The following DPYSL2 variants were observed in gnomAD, a reference collection of about 807,000 sequenced individuals.
DPYSL2 encodes the protein dihydropyrimidinase-related protein 2.
A neutral mutation model predicts 69.9 loss-of-function variants in DPYSL2; 13 were observed. The ratio of observed to expected loss-of-function variants is 0.19; its 90% CI spans 0.12 to 0.30. The LOEUF is 0.30. DPYSL2 is among the 10% of genes least tolerant of loss of function. The pLI is 1.00. For synonymous variants in DPYSL2, 326 were observed against 359.1 expected, an observed-to-expected ratio of 0.91 and a Z score of 1.04; for missense variants, 587 against 918.9, an observed-to-expected ratio of 0.64 and a Z score of 4.67.
rs913602734 is a variant in DPYSL2, at chr8:26,588,590, G to A, written c.628+4607G>A. Among the ~76,000 whole-genome samples the A allele has an allele frequency of 2.6e-5, 4 of 152,148 alleles. No individual in the cohort carries two copies. The highest frequency in any genetic ancestry group is 9.7e-5 in the African/African-American group (4 of 41,412). On this transcript the variant is annotated intron_variant, in intron 3 of 13. Coordinates refer to ENST00000521913, the MANE Select transcript of DPYSL2 (RefSeq NM_001197293.3). This position sits in a 1 kb window ranked among gnomAD's most constrained non-coding sequence, Gnocchi z 5.4. The stretch of plus-strand genomic sequence containing the variant: ...ACCCAGCAGGCTTCCTGGTCCCTGG[G>A]TAGCACCGCACAGCAGAGATGGGGA...
chr8:26,641,074 T>C lies in DPYSL2; in HGVS notation c.1127-2365T>C, dbSNP rs780696899. ...ATAAGCCTGTGGTCAGCAGCATTCA[T>C]CCCCATGGTATTCAGGCCACTTTCC... On this transcript the variant is annotated intron_variant, in intron 8 of 13. Transcript: ENST00000521913. The surrounding 1 kb of genome is among the most constrained non-coding windows in gnomAD (Gnocchi z 4.1). Among the ~76,000 whole-genome samples the C allele has an allele frequency of 1.6e-3, 247 of 152,244 alleles. No homozygotes were observed. The highest frequency in any genetic ancestry group is 1.5e-3 in the Admixed American group (23 of 15,294).
Position 26,580,081 on chromosome 8 carries a change from G to A in DPYSL2, c.355-1888G>A, listed in dbSNP as rs1801456903. 6.6e-6 allele frequency among the ~76,000 whole-genome samples: 1 copy of A among 151,948 alleles called. No individual in the cohort carries two copies. On this transcript the variant is annotated intron_variant, in intron 1 of 13. Transcript: ENST00000521913. This position sits in a 1 kb window ranked among gnomAD's most constrained non-coding sequence, Gnocchi z 4.1. ...CCTTCTGGAAGGCACTAGAGTGAAC[G>A]GGGGTGTGGTGTTTCACTTTTTTTC...
intron 7 of DPYSL2, among the ~76,000 whole-genome samples, chr8:26,630,950 G>A (rs1802757850): frequency 6.6e-6 from 1 of 152,186 alleles, no homozygotes; most frequent in Non-Finnish European, 1.5e-5. Flanking sequence ...TGTACCAGCT[G>A]TACAAGGAGG....
chr8:26,632,341 GA>G (rs1295235235), intron 7 of DPYSL2, among the ~76,000 whole-genome samples: 1 of 152,248 alleles, frequency 6.6e-6, no homozygotes. Context: ...GAGGTAGACA[GA>G]AAGTGAGTGT....
intron 3 of DPYSL2, among the ~76,000 whole-genome samples, chr8:26,601,401 A>G (rs74333512): frequency 0.022 from 3,348 of 150,426 alleles, 50 homozygotes; most frequent in Middle Eastern, 0.069. Context: ...GTTTTGAGAC[A>G]GAGTCTCGCT....
At chr8:26,633,477 T>C (rs2129937368) in intron 7 of DPYSL2, among the ~76,000 whole-genome samples, 1 of 152,262 alleles carries the variant, frequency 6.6e-6, no homozygotes, top group Admixed American at 6.5e-5. Flanking sequence ...GATGTATTTA[T>C]TTATTTATGA....
chr8:26,603,703 A>G (rs1195579363), intron 3 of DPYSL2, among the ~76,000 whole-genome samples: 1 of 152,094 alleles, frequency 6.6e-6, no homozygotes, highest in Non-Finnish European at 1.5e-5. Context: ...CCCCTATTCT[A>G]TTATAGTTGT....
chr8:26,555,973 TA>T (rs1316390093), intron 1 of DPYSL2, among the ~76,000 whole-genome samples: 2 of 115,358 alleles, frequency 1.7e-5, no homozygotes, highest in Admixed American at 1.3e-4. Context: ...ATATTATATA[TA>T]GTATATATAG....
At position 26,621,067 on chromosome 8, in the gene DPYSL2, G is replaced by C. The variant is rs961328728; in HGVS notation, c.629-3076G>C. 6.6e-6 allele frequency among the ~76,000 whole-genome samples: 1 copy of C among 151,708 alleles called. No homozygotes were observed. The highest frequency in any genetic ancestry group is 2.4e-5 in the African/African-American group (1 of 41,236). ...GCTTTATCTTGCATTACTCTTTCTG[G>C]TTTATCACATTTTCTTGTATTTTAT... On this transcript the variant is annotated intron_variant, in intron 3 of 13. Coordinates refer to ENST00000521913, the MANE Select transcript of DPYSL2 (RefSeq NM_001197293.3). This position sits in a 1 kb window ranked among gnomAD's most constrained non-coding sequence, Gnocchi z 4.9.
Position 26,643,170 on chromosome 8 carries a change from GC to G in DPYSL2, c.1127-267del. 1 of 386,168 alleles carries G rather than the reference GC, an allele frequency of 2.6e-6. No homozygotes were observed. 23.9% of individuals were successfully genotyped at this position (386,168 alleles called of 1,614,324 possible). The stretch of plus-strand genomic sequence containing the variant: ...AAAATCAGCAACGTAGGAGACAGAA[GC>G]CTTCAGGATGTCTGGGATCCTATAG... On this transcript the variant is annotated intron_variant, in intron 8 of 13. Coordinates refer to ENST00000521913, the MANE Select transcript of DPYSL2 (RefSeq NM_001197293.3). The surrounding 1 kb of genome is among the most constrained non-coding windows in gnomAD (Gnocchi z 6.5).
intron 1 of DPYSL2, chr8:26,578,540 C>T: frequency 7.1e-7 from 1 of 1,399,474 alleles, no homozygotes; most frequent in Non-Finnish European, 9.2e-7. Context: ...TTAGGTAACG[C>T]GCCAGACCCG....
intron 3 of DPYSL2, among the ~76,000 whole-genome samples, chr8:26,592,932 T>TC: frequency 2.0e-5 from 3 of 152,214 alleles, no homozygotes; most frequent in Non-Finnish European, 2.9e-5. Flanking sequence ...TTCTCTCTTC[T>TC]TAAGAAGTGA....
intron 1 of DPYSL2, among the ~76,000 whole-genome samples, chr8:26,524,105 A>G (rs895821263): frequency 1.3e-5 from 2 of 152,256 alleles, no homozygotes; most frequent in African/African-American, 2.4e-5. Context: ...ATAGTTTTCC[A>G]CAGTGGTTAT....
chr8:26,639,103 G>A (rs558216087), intron 8 of DPYSL2, among the ~76,000 whole-genome samples: 40 of 152,306 alleles, frequency 2.6e-4, no homozygotes, highest in African/African-American at 9.4e-4. Flanking sequence ...TATGTCCTGT[G>A]GGTCAATAGG....
At chr8:26,523,671 T>C (rs1037423942) in intron 1 of DPYSL2, among the ~76,000 whole-genome samples, 14 of 152,144 alleles carry the variant, frequency 9.2e-5, no homozygotes, top group Non-Finnish European at 2.1e-4. Context: ...TTTTCTTTTT[T>C]TCCTTAAGAG....
chr8:26,579,031 T>C (rs1295111636), intron 1 of DPYSL2, among the ~76,000 whole-genome samples: 5 of 152,198 alleles, frequency 3.3e-5, no homozygotes, highest in Admixed American at 2.6e-4. Flanking sequence ...TTCACGTCTC[T>C]TTTCCGCCCC....
rs1270583952 is a variant in DPYSL2 at position 26,560,781 on chromosome 8, G to A, written c.355-21188G>A. ...ATAATTTTATCCTTTTAGTAAAGGTGCATGTGGACATTAGTATGATCTATG... is the reference window on the plus strand; with the variant it reads ...ATAATTTTATCCTTTTAGTAAAGGTACATGTGGACATTAGTATGATCTATG... On this transcript the variant is annotated intron_variant, in intron 1 of 13. Coordinates refer to ENST00000521913, the MANE Select transcript of DPYSL2 (RefSeq NM_001197293.3). The surrounding 1 kb of genome is among the most constrained non-coding windows in gnomAD (Gnocchi z 4.4). Among the ~76,000 whole-genome samples, 1 of 152,196 alleles carries A rather than the reference G, an allele frequency of 6.6e-6. No homozygotes were observed. Among genetic ancestry groups the A allele is most frequent in the Admixed American group, 6.5e-5 (1 of 15,284 alleles).
chr8:26,552,305 A>G (rs939594437), intron 1 of DPYSL2, among the ~76,000 whole-genome samples: 4 of 152,248 alleles, frequency 2.6e-5, no homozygotes, highest in Non-Finnish European at 2.9e-5. Context: ...TCTAATATCA[A>G]TAATCTAAAC....
At chr8:26,645,424 T>C (rs1170908046) in intron 10 of DPYSL2, among the ~76,000 whole-genome samples, 1 of 151,934 alleles carries the variant, frequency 6.6e-6, no homozygotes, top group Non-Finnish European at 1.5e-5. Context: ...AATAATAATA[T>C]TGGCATCATA....
Sources: gnomAD v4.1 joint callset for allele counts (sites outside exome capture counted in the v4.1 genomes callset) on GRCh38, gnomAD v4.1.1 for gene constraint, Gnocchi (gnomAD v3.1) non-coding constraint, MANE v1.5 for transcripts, NCBI Gene and HGNC (gene_info 2026-07-23, HGNC 2026-07-21) for gene names.